Variants in NT5DC3 observed in about 807,000 individuals in gnomAD.
NT5DC3 encodes 5'-nucleotidase domain-containing protein 3.
NT5DC3 carries 42 observed loss-of-function variants against 67.8 expected under a neutral mutation model. The observed-to-expected ratio is 0.62, with a 90% CI of 0.48 to 0.80. The LOEUF (loss-of-function observed/expected upper bound fraction) is 0.80, where lower values mean the gene tolerates loss of function less well. Among genes scored for constraint, NT5DC3 ranks in the 30% least tolerant of loss-of-function variants. NT5DC3 has a pLI of 0.00. For missense variants in NT5DC3, 570 were observed against 696.4 expected (o/e 0.82, Z 2.04); for synonymous variants, 237 against 255.6 (o/e 0.93, Z 0.69).
chr12:103,786,600 G>C (rs905003693), intron 11 of NT5DC3, among the ~76,000 whole-genome samples: 1 of 151,952 alleles, frequency 6.6e-6, no homozygotes, highest in Admixed American at 6.6e-5. Context: ...GTTCAGTCTG[G>C]CTACTCAGCT....
intron 1 of NT5DC3, among the ~76,000 whole-genome samples, chr12:103,838,445 T>C (rs574464053): frequency 6.6e-6 from 1 of 152,310 alleles, no homozygotes; most frequent in South Asian, 2.1e-4. Flanking sequence ...AACTCAAGCC[T>C]ATTTTGACCT....
chr12:103,797,094 A>T (rs1886352665), intron 5 of NT5DC3, 63 bp from the exon 6 acceptor site: 7 of 1,577,188 alleles, frequency 4.4e-6, no homozygotes. Flanking sequence ...AGAGCCACGA[A>T]GCACCAGGAA....
At chr12:103,812,481 T>C (rs1887075774) in intron 2 of NT5DC3, among the ~76,000 whole-genome samples, 1 of 151,956 alleles carries the variant, frequency 6.6e-6, no homozygotes, top group Non-Finnish European at 1.5e-5. Flanking sequence ...TTTCAAATAA[T>C]AGTGATTGCA....
intron 9 of NT5DC3, chr12:103,789,121 C>A (rs746161644): frequency 1.2e-5 from 6 of 517,808 alleles, no homozygotes; most frequent in Admixed American, 9.7e-5. Flanking sequence ...AGGTGTTCCA[C>A]GAAAAAAAAG....
At chr12:103,830,337 C>CTCTTTGTCTTTTG (rs1420093266) in intron 1 of NT5DC3, among the ~76,000 whole-genome samples, 1 of 152,142 alleles carries the variant, frequency 6.6e-6, no homozygotes, top group Non-Finnish European at 1.5e-5. Flanking sequence ...TTATGATATT[C>CTCTTTGTCTTTTG]TCTTTGTCTT....
chr12:103,747,042 C>T, the NT5DC3 span, among the ~76,000 whole-genome samples: 3 of 150,768 alleles, frequency 2.0e-5, no homozygotes, highest in South Asian at 2.1e-4. Flanking sequence ...CTGCAACCTC[C>T]GCTTCCCAGG....
chr12:103,746,636 C>G, the NT5DC3 span: 1 of 1,614,104 alleles, frequency 6.2e-7, no homozygotes, highest in East Asian at 2.2e-5. Flanking sequence ...TCTGCTCATG[C>G]CACCTGTAAG....
intron 12 of NT5DC3, among the ~76,000 whole-genome samples, chr12:103,785,117 C>A (rs1282783949): frequency 1.3e-5 from 2 of 152,184 alleles, no homozygotes; most frequent in Admixed American, 1.3e-4. Flanking sequence ...GAAGTGAGGA[C>A]ACTGGATCTT....
intron 1 of NT5DC3, among the ~76,000 whole-genome samples, chr12:103,835,653 T>C (rs1406564755): frequency 2.0e-5 from 3 of 152,176 alleles, no homozygotes; most frequent in Non-Finnish European, 4.4e-5. Context: ...AGCTACTATC[T>C]ACTGAGCATC....
At chr12:103,786,827 C>G (rs750220121) in intron 11 of NT5DC3, among the ~76,000 whole-genome samples, 1 of 151,950 alleles carries the variant, frequency 6.6e-6, no homozygotes, top group Non-Finnish European at 1.5e-5. Context: ...GGATTACAGG[C>G]GTGTGCTACC....
intron 11 of NT5DC3, among the ~76,000 whole-genome samples, chr12:103,786,274 G>T (rs969324843): frequency 1.3e-5 from 2 of 152,184 alleles, no homozygotes; most frequent in African/African-American, 4.8e-5. Context: ...ATACAGGGTA[G>T]TTAGGAAGAC....
At chr12:103,765,610 C>T (rs1033242913), downstream of NT5DC3, among the ~76,000 whole-genome samples, 15 of 152,190 alleles carry the variant, frequency 9.9e-5, no homozygotes, top group African/African-American at 3.4e-4. Flanking sequence ...GTCACGCAGG[C>T]TGGAGTGCAG....
intron 1 of NT5DC3, among the ~76,000 whole-genome samples, chr12:103,824,693 GCCACCAACACAATAAA>G (rs1887620129): frequency 8.8e-6 from 1 of 113,798 alleles, no homozygotes; most frequent in African/African-American, 3.1e-5. Context: ...CATCTGTGAT[GCCACCAACACAATAAA>G]GGCAATGAGC....
intron 11 of NT5DC3, among the ~76,000 whole-genome samples, chr12:103,786,973 A>G (rs1968513): frequency 0.38 from 58,081 of 151,996 alleles, 12,177 homozygotes; most frequent in East Asian, 0.88. Context: ...GTGAGCCACC[A>G]TGCCCAGCCC....
intron 1 of NT5DC3, among the ~76,000 whole-genome samples, chr12:103,835,152 G>A (rs1311880229): frequency 6.6e-6 from 1 of 152,172 alleles, no homozygotes; most frequent in Non-Finnish European, 1.5e-5. Context: ...CTCCCTATCA[G>A]ACTCATCCAA....
At chr12:103,765,588 G>A (rs555398346), downstream of NT5DC3, among the ~76,000 whole-genome samples, 1 of 152,340 alleles carries the variant, frequency 6.6e-6, no homozygotes, top group East Asian at 1.9e-4. Context: ...TTTTTAGGCA[G>A]GGTCCTGGTG....
chr12:103,768,632 AGT>A (rs1234636781), downstream of NT5DC3, among the ~76,000 whole-genome samples: 1 of 87,584 alleles, frequency 1.1e-5, no homozygotes, highest in Non-Finnish European at 2.3e-5. Context: ...AGGGAGAGGG[AGT>A]GAGAGAGAGA....
intron 1 of NT5DC3, among the ~76,000 whole-genome samples, chr12:103,820,267 G>C (rs1887437470): frequency 6.6e-6 from 1 of 152,202 alleles, no homozygotes; most frequent in African/African-American, 2.4e-5. Context: ...CCTAGAAGGG[G>C]AATTCTTGAA....
At chr12:103,746,949 C>CTT in the NT5DC3 span, among the ~76,000 whole-genome samples, 2 of 96,074 alleles carry the variant, frequency 2.1e-5, no homozygotes, top group Non-Finnish European at 4.2e-5. Context: ...GTTTTTCTTT[C>CTT]TTTTTTTTTT....
Sources: gnomAD v4.1 joint callset for allele counts (sites outside exome capture counted in the v4.1 genomes callset) on GRCh38, gnomAD v4.1.1 for gene constraint, MANE v1.5 for transcripts, NCBI Gene and HGNC (gene_info 2026-07-23, HGNC 2026-07-21) for gene names.